Variants in ZFYVE9 observed in about 807,000 individuals in gnomAD.
The protein encoded by ZFYVE9 is zinc finger FYVE-type containing 9, also known as zinc finger FYVE domain-containing protein 9.
A neutral mutation model predicts 126.7 loss-of-function variants in ZFYVE9; 43 were observed. The ratio of observed to expected loss-of-function variants is 0.34; its 90% CI spans 0.27 to 0.44. ZFYVE9 has a LOEUF of 0.44. ZFYVE9 is among the 20% of genes least tolerant of loss of function. The pLI is 1.00. For missense variants in ZFYVE9, 1,476 were observed against 1,697.0 expected (o/e 0.87, Z 2.29); for synonymous variants, 521 against 597.4 (o/e 0.87, Z 1.87).
At chr1:52,321,336 T>A (rs1257005326) in intron 13 of ZFYVE9, among the ~76,000 whole-genome samples, 1 of 152,216 alleles carries the variant, frequency 6.6e-6, no homozygotes, top group African/African-American at 2.4e-5. Context: ...AATACATTTC[T>A]TTTAGGGAAT....
intron 11 of ZFYVE9, among the ~76,000 whole-genome samples, chr1:52,295,376 T>C (rs2147832636): frequency 6.8e-6 from 1 of 147,552 alleles, no homozygotes; most frequent in South Asian, 2.1e-4. Flanking sequence ...TTGTTTGTTT[T>C]GGAGACAGGG....
chr1:52,162,757 C>A, intron 1 of ZFYVE9: 1 of 316,574 alleles, frequency 3.2e-6, no homozygotes, highest in South Asian at 5.2e-5. Context: ...TGCCAGTATT[C>A]TGGTGTATAT....
At chr1:52,152,721 AT>A (rs1202417450) in intron 1 of ZFYVE9, among the ~76,000 whole-genome samples, 5 of 152,218 alleles carry the variant, frequency 3.3e-5, no homozygotes, top group African/African-American at 1.2e-4. Context: ...GGGCAAGTTA[AT>A]AACTTCTTTG....
intron 1 of ZFYVE9, among the ~76,000 whole-genome samples, chr1:52,187,846 T>G (rs1644778850): frequency 6.6e-6 from 1 of 152,222 alleles, no homozygotes; most frequent in South Asian, 2.1e-4. Context: ...TCTTATACAC[T>G]GTTGGTGGGA....
intron 2 of ZFYVE9, among the ~76,000 whole-genome samples, chr1:52,222,245 A>G (rs188149759): frequency 6.6e-6 from 1 of 152,262 alleles, no homozygotes; most frequent in Non-Finnish European, 1.5e-5. Flanking sequence ...ATTTTCTAGA[A>G]CTTGTTCTAA....
At chr1:52,255,752 G>T (rs1483470325) in intron 4 of ZFYVE9, among the ~76,000 whole-genome samples, 1 of 151,964 alleles carries the variant, frequency 6.6e-6, no homozygotes, top group Non-Finnish European at 1.5e-5. Flanking sequence ...AATTAGCTGG[G>T]TATTGCGGCG....
intron 13 of ZFYVE9, among the ~76,000 whole-genome samples, chr1:52,321,695 A>G (rs1054331333): frequency 6.6e-6 from 1 of 151,740 alleles, no homozygotes; most frequent in East Asian, 1.9e-4. Flanking sequence ...AGAACTCACA[A>G]CCTCGCTGCC....
chr1:52,172,095 T>A (rs1318383188), intron 1 of ZFYVE9, among the ~76,000 whole-genome samples: 1 of 152,180 alleles, frequency 6.6e-6, no homozygotes, highest in Non-Finnish European at 1.5e-5. Context: ...TCCTGAATGG[T>A]AATGCCTAGG....
intron 1 of ZFYVE9, among the ~76,000 whole-genome samples, chr1:52,210,651 TTCTC>T (rs149167956): frequency 2.4e-3 from 365 of 152,114 alleles, no homozygotes; most frequent in African/African-American, 6.7e-3. Flanking sequence ...AATTAGGTGG[TTCTC>T]TCTCTCTCTA....
chr1:52,342,933 G>A (rs975039860), intron 17 of ZFYVE9, among the ~76,000 whole-genome samples: 2 of 150,010 alleles, frequency 1.3e-5, no homozygotes, highest in African/African-American at 2.5e-5. Context: ...TTGAGACGGA[G>A]TCTCACTCTG....
intron 10 of ZFYVE9, among the ~76,000 whole-genome samples, chr1:52,286,782 A>G (rs1327776670): frequency 2.6e-5 from 4 of 152,170 alleles, no homozygotes; most frequent in Admixed American, 2.0e-4. Flanking sequence ...CTGTGCTCCA[A>G]CATTCAGTAT....
intron 1 of ZFYVE9, among the ~76,000 whole-genome samples, chr1:52,214,444 A>C (rs1037196282): frequency 5.3e-5 from 8 of 152,114 alleles, no homozygotes; most frequent in African/African-American, 1.7e-4. Flanking sequence ...ATGAAATAAA[A>C]TAAAATAAAA....
At chr1:52,187,976 G>A (rs1005276683) in intron 1 of ZFYVE9, among the ~76,000 whole-genome samples, 21 of 152,160 alleles carry the variant, frequency 1.4e-4, no homozygotes, top group African/African-American at 4.1e-4. Context: ...CCATTACTGG[G>A]TATATACCCA....
intron 17 of ZFYVE9, 113 bp from the exon 18 acceptor site, chr1:52,344,655 T>C (rs934812626): frequency 2.0e-5 from 23 of 1,153,466 alleles, no homozygotes; most frequent in Non-Finnish European, 2.8e-5. Context: ...GTCCTGTTCC[T>C]GTCATGTCTT....
At chr1:52,256,269 A>T (rs1305819553) in intron 4 of ZFYVE9, among the ~76,000 whole-genome samples, 1 of 151,940 alleles carries the variant, frequency 6.6e-6, no homozygotes, top group African/African-American at 2.4e-5. Flanking sequence ...GGGTTTCACC[A>T]TGTTGGTCAG....
intron 10 of ZFYVE9, among the ~76,000 whole-genome samples, chr1:52,286,944 C>T (rs193163930): frequency 2.4e-4 from 37 of 152,190 alleles, no homozygotes; most frequent in Non-Finnish European, 2.8e-4. Context: ...TACTCCCAAC[C>T]GTGCTATTTC....
chr1:52,309,044 C>A (rs1431824671), intron 13 of ZFYVE9, among the ~76,000 whole-genome samples: 1 of 152,168 alleles, frequency 6.6e-6, no homozygotes, highest in Non-Finnish European at 1.5e-5. Context: ...AGAATAGACA[C>A]CAATGTTTCT....
At chr1:52,275,043 AATT>A (rs1325235848) in intron 8 of ZFYVE9, among the ~76,000 whole-genome samples, 3 of 152,180 alleles carry the variant, frequency 2.0e-5, no homozygotes, top group Non-Finnish European at 2.9e-5. Flanking sequence ...TAAGAAGTAA[AATT>A]ATTATCTAAT....
intron 3 of ZFYVE9, among the ~76,000 whole-genome samples, chr1:52,234,452 C>T (rs552494742): frequency 6.6e-6 from 1 of 152,242 alleles, no homozygotes; most frequent in South Asian, 2.1e-4. Context: ...CAGAGTGAGA[C>T]CCTGTCTTAA....
Sources: gnomAD v4.1 joint callset for allele counts (sites outside exome capture counted in the v4.1 genomes callset) on GRCh38, gnomAD v4.1.1 for gene constraint, MANE v1.5 for transcripts, NCBI Gene and HGNC (gene_info 2026-07-23, HGNC 2026-07-21) for gene names.